GRID2: variants seen among roughly 807,000 people sequenced by gnomAD.
GRID2 encodes the protein glutamate ionotropic receptor delta type subunit 2, also known as glutamate receptor ionotropic, delta-2.
In GRID2, 33 loss-of-function variants were observed where a neutral mutation model predicts 114.8. The ratio of observed to expected loss-of-function variants is 0.29; its 90% CI spans 0.22 to 0.38. The LOEUF (loss-of-function observed/expected upper bound fraction) is 0.38, where lower values mean the gene tolerates loss of function less well. Among genes scored for constraint, GRID2 ranks in the 10% least tolerant of loss-of-function variants. The pLI, the probability that GRID2 is intolerant of heterozygous loss-of-function variation, is 1.00. For missense variants in GRID2, 1,184 were observed against 1,257.7 expected (o/e 0.94, Z 0.89); for synonymous variants, 505 against 449.9 (o/e 1.12, Z -1.55).
intron 14 of GRID2, among the ~76,000 whole-genome samples, chr4:93,638,135 T>C (rs1721583070): frequency 6.6e-6 from 1 of 152,132 alleles, no homozygotes; most frequent in Non-Finnish European, 1.5e-5. Flanking sequence ...TAGAGAAATA[T>C]GTACCTCAAT....
At chr4:93,212,746 G>C (rs1323376298) in intron 5 of GRID2, among the ~76,000 whole-genome samples, 2 of 149,576 alleles carry the variant, frequency 1.3e-5, no homozygotes, top group African/African-American at 2.5e-5. Context: ...TACATTTAAT[G>C]AGAAAGTTGT....
chr4:92,510,126 C>T (rs776984204), intron 1 of GRID2, among the ~76,000 whole-genome samples: 2 of 151,816 alleles, frequency 1.3e-5, no homozygotes, highest in Non-Finnish European at 2.9e-5. Flanking sequence ...GGTGGATGCC[C>T]AGTCCAAGGT....
intron 1 of GRID2, among the ~76,000 whole-genome samples, chr4:92,417,144 A>G (rs1731657356): frequency 6.6e-6 from 1 of 152,110 alleles, no homozygotes; most frequent in Non-Finnish European, 1.5e-5. Flanking sequence ...GCAAGTTTAT[A>G]TTGGCAATGT....
chr4:93,731,259 T>C (rs1442123501), intron 14 of GRID2, among the ~76,000 whole-genome samples: 7 of 152,082 alleles, frequency 4.6e-5, no homozygotes, highest in Non-Finnish European at 1.0e-4. Flanking sequence ...AAGAAGGTCA[T>C]GACTGAAAAT....
At chr4:93,625,391 A>G (rs934285039) in intron 13 of GRID2, among the ~76,000 whole-genome samples, 1 of 152,200 alleles carries the variant, frequency 6.6e-6, no homozygotes, top group Non-Finnish European at 1.5e-5. Flanking sequence ...TCATTTTACT[A>G]TAAGCAACGT....
In GRID2 at chr4:92,457,820, A is replaced by C. The variant is rs542368887; in HGVS notation, c.89-132311A>C. Among the ~76,000 whole-genome samples the C allele has an allele frequency of 3.9e-5, 6 of 152,326 alleles. 1 individual carries two copies. The South Asian group carries it at 1.2e-3, about 32-fold the overall frequency. On this transcript the variant is annotated intron_variant, in intron 1 of 15. Coordinates refer to ENST00000282020, the MANE Select transcript of GRID2 (RefSeq NM_001510.4). ...TTCAGAATGTAATTGTGATGAATCT[A>C]TGCCTGTCTGTTTGCAAGGATTTGT... is the stretch of plus-strand genomic sequence containing the variant.
intron 4 of GRID2, among the ~76,000 whole-genome samples, chr4:93,144,932 C>G (rs1456323663): frequency 6.6e-6 from 1 of 152,026 alleles, no homozygotes; most frequent in African/African-American, 2.4e-5. Context: ...TGTGGATGAG[C>G]CTTAAAATCT....
chr4:93,361,992 T>TTCCCCCA (rs1560539404), intron 8 of GRID2, among the ~76,000 whole-genome samples: 1 of 151,882 alleles, frequency 6.6e-6, no homozygotes, highest in Non-Finnish European at 1.5e-5. Flanking sequence ...TCCTTCCCCC[T>TTCCCCCA]TCCCCCACCC....
rs750564049 is a variant in GRID2 at position 92,380,614 on chromosome 4, A to G, written c.88+75870A>G. ...CAAGTATTTCTGGACAAAAATATGT[A>G]TACTTATAGATTAATACAAATTAGT... is the stretch of plus-strand genomic sequence containing the variant. On this transcript the variant is annotated intron_variant, in intron 1 of 15. Transcript: ENST00000282020. 3.3e-5 allele frequency among the ~76,000 whole-genome samples: 5 copies of G among 152,050 alleles called. 1 individual carries two copies. Among genetic ancestry groups the G allele is most frequent in the Non-Finnish European group, 5.9e-5 (4 of 67,960 alleles).
intron 1 of GRID2, among the ~76,000 whole-genome samples, chr4:92,411,653 G>GTA (rs770186876): frequency 0.037 from 3,619 of 98,706 alleles, 105 homozygotes; most frequent in East Asian, 0.091. Context: ...GTGTGTGTGT[G>GTA]TGTATATATA....
chr4:92,787,917 G>C (rs924236904), intron 2 of GRID2, among the ~76,000 whole-genome samples: 1 of 151,886 alleles, frequency 6.6e-6, no homozygotes, highest in South Asian at 2.1e-4. Context: ...GTGTGTTAGA[G>C]AGAAGAGTGA....
intron 2 of GRID2, among the ~76,000 whole-genome samples, chr4:92,879,915 T>C (rs377516108): frequency 3.3e-5 from 5 of 152,332 alleles, no homozygotes; most frequent in African/African-American, 4.8e-5. Context: ...ATGAATCCAA[T>C]TGGAATCCAG....
At chr4:93,765,186 G>C (rs1453824562) in intron 14 of GRID2, among the ~76,000 whole-genome samples, 1 of 152,136 alleles carries the variant, frequency 6.6e-6, no homozygotes, top group African/African-American at 2.4e-5. Flanking sequence ...AGGCCATAGT[G>C]AGACCATTCT....
chr4:93,303,163 C>T (rs1206115801), intron 8 of GRID2, among the ~76,000 whole-genome samples: 1 of 152,176 alleles, frequency 6.6e-6, no homozygotes, highest in Non-Finnish European at 1.5e-5. Context: ...ATCATGAGAA[C>T]AGCAAGGGAG....
chr4:93,708,739 C>T (rs556396428), intron 14 of GRID2, among the ~76,000 whole-genome samples: 1 of 151,492 alleles, frequency 6.6e-6, no homozygotes, highest in African/African-American at 2.4e-5. Flanking sequence ...TGTGGTCTTC[C>T]CTTCTTTCCT....
intron 7 of GRID2, among the ~76,000 whole-genome samples, chr4:93,231,896 C>T (rs1419103517): frequency 6.6e-6 from 1 of 152,092 alleles, no homozygotes; most frequent in Non-Finnish European, 1.5e-5. Flanking sequence ...TCCTTGAGAA[C>T]CCAACTTAGA....
intron 1 of GRID2, among the ~76,000 whole-genome samples, chr4:92,472,857 C>T (rs1467556846): frequency 6.6e-6 from 1 of 152,074 alleles, no homozygotes; most frequent in Non-Finnish European, 1.5e-5. Context: ...CATGTATTTT[C>T]TCACCCATTT....
At chr4:92,964,173 C>T (rs191601501) in intron 2 of GRID2, among the ~76,000 whole-genome samples, 1 of 152,080 alleles carries the variant, frequency 6.6e-6, no homozygotes, top group African/African-American at 2.4e-5. Flanking sequence ...TGAGCATTGG[C>T]TTCAACTTAA....
At chr4:93,625,741 C>T (rs1307602109) in intron 13 of GRID2, among the ~76,000 whole-genome samples, 1 of 151,986 alleles carries the variant, frequency 6.6e-6, no homozygotes, top group Non-Finnish European at 1.5e-5. Flanking sequence ...CGGTGAAACC[C>T]CAGCTCTACT....
Sources: allele counts gnomAD v4.1 joint callset (sites outside exome capture counted in the v4.1 genomes callset), GRCh38; gene constraint gnomAD v4.1.1; transcripts MANE v1.5; gene names NCBI Gene and HGNC (gene_info 2026-07-23, HGNC 2026-07-21).